Variants in ZFP1 observed in about 807,000 individuals in gnomAD.
The protein encoded by ZFP1 is ZFP1 zinc finger protein, also known as zinc finger protein 1 homolog.
In ZFP1, 32 loss-of-function variants were observed where a neutral mutation model predicts 38.5. The observed-to-expected ratio is 0.83, with a 90% CI of 0.63 to 1.12. The LOEUF is 1.12. ZFP1 is among the 50% of genes most tolerant of loss of function. The pLI is 0.00. For synonymous variants in ZFP1, 245 were observed against 168.8 expected, an observed-to-expected ratio of 1.45 and a Z score of -3.50; for missense variants, 616 against 480.8, an observed-to-expected ratio of 1.28 and a Z score of -2.63.
the ZFP1 span, among the ~76,000 whole-genome samples, chr16:75,137,607 G>A: frequency 1.3e-5 from 2 of 151,254 alleles, no homozygotes; most frequent in Admixed American, 6.6e-5. Flanking sequence ...GGGACTACAG[G>A]CGCCCACCAC....
the ZFP1 span, among the ~76,000 whole-genome samples, chr16:75,135,531 G>C: frequency 2.6e-5 from 4 of 152,148 alleles, no homozygotes; most frequent in Admixed American, 2.6e-4. Flanking sequence ...ACTTTGGGAG[G>C]ACAAGGTGAG....
intron 2 of ZFP1, among the ~76,000 whole-genome samples, chr16:75,153,713 A>G (rs894919725): frequency 1.3e-5 from 2 of 152,142 alleles, no homozygotes; most frequent in African/African-American, 4.8e-5. Flanking sequence ...TTTAAAGACC[A>G]TAGTTTACAG....
the ZFP1 span, among the ~76,000 whole-genome samples, chr16:75,128,403 T>G: frequency 1.3e-5 from 2 of 152,220 alleles, no homozygotes; most frequent in African/African-American, 2.4e-5. Context: ...TTTGCTGTAG[T>G]GTATACAAAT....
chr16:75,142,353 A>G, the ZFP1 span, among the ~76,000 whole-genome samples: 1 of 149,310 alleles, frequency 6.7e-6, no homozygotes, highest in East Asian at 1.9e-4. Context: ...GTGACAGAGC[A>G]AGACTTCCTA....
At chr16:75,156,086 A>C (rs1188131884) in intron 2 of ZFP1, among the ~76,000 whole-genome samples, 1 of 152,322 alleles carries the variant, frequency 6.6e-6, no homozygotes, top group East Asian at 1.9e-4. Flanking sequence ...GTATAGAATG[A>C]TACAGCCTTA....
the ZFP1 span, among the ~76,000 whole-genome samples, chr16:75,120,264 G>A: frequency 6.6e-6 from 1 of 152,116 alleles, no homozygotes; most frequent in African/African-American, 2.4e-5. Context: ...TTTCTTCTCA[G>A]TTGACTGAAT....
chr16:75,153,892 A>G (rs949118681), intron 2 of ZFP1, among the ~76,000 whole-genome samples: 6 of 152,074 alleles, frequency 3.9e-5, no homozygotes, highest in East Asian at 1.9e-4. Flanking sequence ...TGATCTTTCT[A>G]CTGTCTCATC....
At chr16:75,124,189 G>A in the ZFP1 span, among the ~76,000 whole-genome samples, 3 of 150,688 alleles carry the variant, frequency 2.0e-5, no homozygotes, top group South Asian at 6.4e-4. Context: ...TGAGACAAGA[G>A]TCTTGCTCTG....
chr16:75,130,906 A>C, the ZFP1 span, among the ~76,000 whole-genome samples: 3 of 151,998 alleles, frequency 2.0e-5, no homozygotes, highest in Non-Finnish European at 4.4e-5. Flanking sequence ...CCCTCAAACA[A>C]ATGCAAAGCC....
rs567493719 is a variant in ZFP1, at chr16:75,169,904, A to G, written c.794A>G (p.Lys265Arg). ...GTACACCAGAGAGCACATATGGAGAAGAAGCCCTATGAGTGCAGTGAATGT... is the reference window on the plus strand; with the variant it reads ...GTACACCAGAGAGCACATATGGAGAGGAAGCCCTATGAGTGCAGTGAATGT... The part of the protein sequence containing the change: ...LIVHQRAHME[K>R]KPYECSECGK... Residue 265 changes from lysine to arginine, a missense_variant, in exon 4 of 4, where the codon AAG becomes AGG. Transcript: ENST00000570010. 15 of 1,614,228 alleles carry G rather than the reference A, an allele frequency of 9.3e-6. No individual in the cohort carries two copies. In the South Asian group the frequency reaches 1.5e-4, roughly 17 times the overall value.
intron 2 of ZFP1, among the ~76,000 whole-genome samples, chr16:75,165,243 GTTAC>G (rs1375626627): frequency 2.0e-5 from 3 of 152,148 alleles, no homozygotes; most frequent in South Asian, 2.1e-4. Flanking sequence ...AATCTAGTTA[GTTAC>G]TTACTTGACC....
At chr16:75,135,223 A>AAAAAAAC in the ZFP1 span, among the ~76,000 whole-genome samples, 1 of 149,720 alleles carries the variant, frequency 6.7e-6, no homozygotes, top group Non-Finnish European at 1.5e-5. Context: ...AAAAAAAAAA[A>AAAAAAAC]AAAAAAAAAA....
intron 2 of ZFP1, among the ~76,000 whole-genome samples, chr16:75,161,779 T>TTTTTTTTA (rs2037802472): frequency 3.6e-5 from 2 of 56,006 alleles, no homozygotes; most frequent in African/African-American, 1.2e-4. Context: ...TATATATTTT[T>TTTTTTTTA]TTTTTTTTTT....
intron 2 of ZFP1, among the ~76,000 whole-genome samples, chr16:75,158,825 T>G (rs970264196): frequency 3.9e-5 from 6 of 152,018 alleles, no homozygotes; most frequent in African/African-American, 1.4e-4. Context: ...CTGAAGTGTT[T>G]ATGGGTTAAA....
chr16:75,155,400 T>G (rs1277262124), intron 2 of ZFP1, among the ~76,000 whole-genome samples: 10 of 152,234 alleles, frequency 6.6e-5, no homozygotes, highest in Admixed American at 5.2e-4. Flanking sequence ...TCTCCTAAAG[T>G]GCTGGCATTA....
Position 75,166,895 on chromosome 16 carries a change from G to A in ZFP1, c.141G>A (p.Val47=), listed in dbSNP as rs1375942422. The A allele has an allele frequency of 6.2e-7, 1 of 1,613,170 alleles. No homozygotes were observed. Among genetic ancestry groups the A allele is most frequent in the Non-Finnish European group, 8.5e-7 (1 of 1,179,304 alleles). ...AGAATTATAGCAACTTACTTTCAGT[G>A]GGTAAGGACGGTTTTCAGGTACAGC... ...MLENYSNLLS[V]EVWKADDQME... Residue 47 remains valine, a splice_region_variant and synonymous_variant, in exon 3 of 4, where the codon GTG becomes GTA. Coordinates refer to ENST00000570010, the MANE Select transcript of ZFP1 (RefSeq NM_153688.4).
chr16:75,159,705 C>T (rs79005175), intron 2 of ZFP1, among the ~76,000 whole-genome samples: 6 of 152,064 alleles, frequency 3.9e-5, no homozygotes, highest in East Asian at 1.9e-4. Flanking sequence ...TATACCTGGC[C>T]CTGGTTTTGC....
Position 75,167,494 on chromosome 16 carries a change from T to C in ZFP1, c.142+598T>C, listed in dbSNP as rs1430736645. On this transcript the variant is annotated intron_variant, in intron 3 of 3. Coordinates refer to ENST00000570010, the MANE Select transcript of ZFP1 (RefSeq NM_153688.4). ...CTTAAACTTTGTTGTGTCTTGTACA[T>C]GTACCATTCTTTTCCAGTCCACCAT... Among the ~76,000 whole-genome samples, 4 of 152,158 alleles carry C rather than the reference T, an allele frequency of 2.6e-5. No homozygotes were observed. The East Asian group carries it at 7.7e-4, about 29-fold the overall frequency.
chr16:75,122,952 G>C, the ZFP1 span, among the ~76,000 whole-genome samples: 1 of 151,926 alleles, frequency 6.6e-6, no homozygotes, highest in South Asian at 2.1e-4. Flanking sequence ...ATCTAGGTAA[G>C]TAATTAAAAT....
Sources: gnomAD v4.1 joint callset for allele counts (sites outside exome capture counted in the v4.1 genomes callset) on GRCh38, gnomAD v4.1.1 for gene constraint, MANE v1.5 for transcripts, NCBI Gene and HGNC (gene_info 2026-07-23, HGNC 2026-07-21) for gene names.